Variants in TRIM11 observed in about 807,000 individuals in gnomAD.
The protein encoded by TRIM11 is tripartite motif containing 11, also known as E3 ubiquitin-protein ligase TRIM11.
Under a neutral mutation model 33.4 loss-of-function variants are expected in TRIM11, and 15 were observed. That is an observed-to-expected ratio of 0.45 (90% CI 0.30 to 0.69). The LOEUF is 0.69. TRIM11 is among the 30% of genes least tolerant of loss of function. TRIM11 has a pLI of 0.08. For synonymous variants in TRIM11, 281 were observed against 302.6 expected (o/e 0.93, Z 0.74); for missense variants, 499 against 667.6 (o/e 0.75, Z 2.78).
chr1:228,399,490 G>GC (rs2075013654), intron 3 of TRIM11, among the ~76,000 whole-genome samples: 2 of 115,518 alleles, frequency 1.7e-5, no homozygotes, highest in African/African-American at 6.7e-5. Context: ...TCAGCTGAAA[G>GC]CCCAAATTGC....
rs1452318249 is a variant in TRIM11 at position 228,400,299 on chromosome 1, G to GT, written c.735+664dup. ...CCACACGGGGCCTCTCAGCATGGGA[G>GT]TGCCGTCAGTCCTCATCAGTGCACG... On this transcript the variant is annotated intron_variant, in intron 3 of 5. Coordinates refer to ENST00000284551, the MANE Select transcript of TRIM11 (RefSeq NM_145214.3). This position sits in a 1 kb window ranked among gnomAD's most constrained non-coding sequence, Gnocchi z 4.5. Among the ~76,000 whole-genome samples, 1 of 152,246 alleles carries GT rather than the reference G, an allele frequency of 6.6e-6. No individual in the cohort carries two copies. The highest frequency in any genetic ancestry group is 1.5e-5 in the Non-Finnish European group (1 of 68,040).
chr1:228,398,589 T>G (rs2075005622), intron 3 of TRIM11, among the ~76,000 whole-genome samples: 1 of 152,148 alleles, frequency 6.6e-6, no homozygotes, highest in Non-Finnish European at 1.5e-5. Flanking sequence ...TACTCTAGCC[T>G]GGGCGACAGA....
At position 228,401,247 on chromosome 1, in the gene TRIM11, A is replaced by C; in HGVS notation, c.505-53T>G. The C allele has an allele frequency of 6.4e-7, 1 of 1,572,504 alleles. No homozygotes were observed. The highest frequency in any genetic ancestry group is 1.2e-5 in the South Asian group (1 of 85,344). ...GAGGCCAGACCCCAGGCCCAGCCAGACCCCAAGTTTGGTCAGACCCCAAGC... is the reference window on the plus strand; with the variant it reads ...GAGGCCAGACCCCAGGCCCAGCCAGCCCCCAAGTTTGGTCAGACCCCAAGC... On this transcript the variant is annotated intron_variant, in intron 2 of 5. Transcript: ENST00000284551. This position sits in a 1 kb window ranked among gnomAD's most constrained non-coding sequence, Gnocchi z 6.1.
intron 5 of TRIM11, 131 bp downstream of exon 5, chr1:228,396,816 A>G: frequency 1.2e-6 from 1 of 861,560 alleles, no homozygotes; most frequent in Non-Finnish European, 2.0e-6. Flanking sequence ...ACGTTTTCCC[A>G]ACAACCCACC....
At position 228,395,681 on chromosome 1, in the gene TRIM11, C is replaced by G. The variant is rs146308765; in HGVS notation, c.860-429G>C. The G allele has an allele frequency of 4.5e-3, 718 of 159,928 alleles. 4 individuals carry two copies. The highest frequency in any genetic ancestry group is 0.016 in the African/African-American group (665 of 41,834). The allele number at this position is 159,928 out of a possible 1,614,324, so 9.9% of individuals were successfully genotyped here. ...GGATTACAGGCGTGTGCCACCATGG[C>G]TGGCTCATTTTTTTGTTTTTTATTT... On this transcript the variant is annotated intron_variant, in intron 5 of 5. Coordinates refer to ENST00000284551, the MANE Select transcript of TRIM11 (RefSeq NM_145214.3). The surrounding 1 kb of genome is among the most constrained non-coding windows in gnomAD (Gnocchi z 4.8).
Position 228,406,081 on chromosome 1 carries a change from C to A in TRIM11, c.408+73G>T. 1.2e-4 allele frequency: 133 copies of A among 1,082,806 alleles called. No homozygotes were observed. Among genetic ancestry groups the A allele is most frequent in the Non-Finnish European group, 1.5e-4 (122 of 819,312 alleles). The allele number at this position is 1,082,806 out of a possible 1,614,324, so 67.1% of individuals were successfully genotyped here. On this transcript the variant is annotated intron_variant, in intron 1 of 5. Coordinates refer to ENST00000284551, the MANE Select transcript of TRIM11 (RefSeq NM_145214.3). The surrounding 1 kb of genome is among the most constrained non-coding windows in gnomAD (Gnocchi z 8.2). ...ATTACTCCCGGAGCAGTCCCCCAAA[C>A]CTCCCACCCGCCCAGGCCTCCCCAG...
At chr1:228,399,636 C>T (rs1338308905) in intron 3 of TRIM11, among the ~76,000 whole-genome samples, 1 of 152,058 alleles carries the variant, frequency 6.6e-6, no homozygotes, top group Non-Finnish European at 1.5e-5. Flanking sequence ...ACCTCCCCAC[C>T]CCACAATTTA....
In TRIM11 at chr1:228,401,284, C is replaced by G. The variant is rs1656212338; in HGVS notation, c.505-90G>C. 1.4e-6 allele frequency: 2 copies of G among 1,462,376 alleles called. No individual in the cohort carries two copies. Among genetic ancestry groups the G allele is most frequent in the Middle Eastern group, 1.8e-4 (1 of 5,540 alleles). 90.6% of individuals were successfully genotyped at this position (1,462,376 alleles called of 1,614,324 possible). A position where few individuals can be genotyped will look rare whatever the true frequency, so the allele number is the denominator to read the frequency against. ...GTCAGACCCCAAGCCCACCCAGAGG[C>G]CTGGCTGCACCCAACCCCACCCCCG... On this transcript the variant is annotated intron_variant, in intron 2 of 5. Coordinates refer to ENST00000284551, the MANE Select transcript of TRIM11 (RefSeq NM_145214.3). This position sits in a 1 kb window ranked among gnomAD's most constrained non-coding sequence, Gnocchi z 6.1.
Position 228,406,099 on chromosome 1 carries a change from C to CGA in TRIM11, c.408+54_408+55insTC. ...CCCCAAACCTCCCACCCGCCCAGGC[C>CGA]TCCCCAGTCCCCGGCTCCCCGACGC... On this transcript the variant is annotated intron_variant, in intron 1 of 5. Transcript: ENST00000284551. This position sits in a 1 kb window ranked among gnomAD's most constrained non-coding sequence, Gnocchi z 8.2. 1 of 1,332,368 alleles carries CGA rather than the reference C, an allele frequency of 7.5e-7. No homozygotes were observed. The highest frequency in any genetic ancestry group is 9.6e-7 in the Non-Finnish European group (1 of 1,044,322). 82.5% of individuals were successfully genotyped at this position (1,332,368 alleles called of 1,614,324 possible).
In TRIM11 at chr1:228,401,339, G is replaced by C. The variant is rs1054612518; in HGVS notation, c.505-145C>G. 9.5e-7 allele frequency: 1 copy of C among 1,049,168 alleles called. No homozygotes were observed. The highest frequency in any genetic ancestry group is 1.6e-5 in the African/African-American group (1 of 62,000). The allele number at this position is 1,049,168 out of a possible 1,614,324, so 65.0% of individuals were successfully genotyped here. On this transcript the variant is annotated intron_variant, in intron 2 of 5. Coordinates refer to ENST00000284551, the MANE Select transcript of TRIM11 (RefSeq NM_145214.3). The surrounding 1 kb of genome is among the most constrained non-coding windows in gnomAD (Gnocchi z 6.1). ...CTGCTAAAGCCAAAGCACAGCACCA[G>C]GTGTGGCAGGACCCCAAACCCACCA... is the stretch of plus-strand genomic sequence containing the variant.
Position 228,395,442 on chromosome 1 carries a change from G to T in TRIM11, c.860-190C>A. On this transcript the variant is annotated intron_variant, in intron 5 of 5. Transcript: ENST00000284551. The surrounding 1 kb of genome is among the most constrained non-coding windows in gnomAD (Gnocchi z 4.8). ...GGACATCCTCTCCCCACTTAGCTAC[G>T]TCCAGTTGCAACTTACAATGTCCTA... 2.1e-6 allele frequency: 1 copy of T among 471,958 alleles called. No individual in the cohort carries two copies. The highest frequency in any genetic ancestry group is 3.4e-6 in the Non-Finnish European group (1 of 290,256). The allele number at this position is 471,958 out of a possible 1,614,324, so 29.2% of individuals were successfully genotyped here.
rs1351130046 is a variant in TRIM11 at position 228,394,054 on chromosome 1, C to A, written c.*651G>T. The A allele has an allele frequency of 6.6e-6, 1 of 152,366 alleles. No homozygotes were observed. The highest frequency in any genetic ancestry group is 1.5e-5 in the Non-Finnish European group (1 of 68,142). The allele number at this position is 152,366 out of a possible 1,614,324, so 9.4% of individuals were successfully genotyped here. ...CTCTGCTCTCTCCTCTAGGCCCACA[C>A]ACCTGCTGAACAGACATCTGTGCCC... On this transcript the variant is annotated 3_prime_UTR_variant, in exon 6 of 6. Transcript: ENST00000284551. The surrounding 1 kb of genome is among the most constrained non-coding windows in gnomAD (Gnocchi z 6.2).
In TRIM11 at chr1:228,394,581, C is replaced by G; in HGVS notation, c.*124G>C. On this transcript the variant is annotated 3_prime_UTR_variant, in exon 6 of 6. Coordinates refer to ENST00000284551, the MANE Select transcript of TRIM11 (RefSeq NM_145214.3). This position sits in a 1 kb window ranked among gnomAD's most constrained non-coding sequence, Gnocchi z 6.2. ...GTTCTCCCACGCAGGCTCAGAAAGG[C>G]ACCAGGAGTTCCTCCTCTTGCTCAA... 9.0e-7 allele frequency: 1 copy of G among 1,106,682 alleles called. No homozygotes were observed. Among genetic ancestry groups the G allele is most frequent in the East Asian group, 2.6e-5 (1 of 38,440 alleles). 68.6% of individuals were successfully genotyped at this position (1,106,682 alleles called of 1,614,324 possible).
chr1:228,401,265 C>G lies in TRIM11; in HGVS notation c.505-71G>C. 6.5e-7 allele frequency: 1 copy of G among 1,536,306 alleles called. No homozygotes were observed. Among genetic ancestry groups the G allele is most frequent in the Non-Finnish European group, 8.8e-7 (1 of 1,137,794 alleles). On this transcript the variant is annotated intron_variant, in intron 2 of 5. Coordinates refer to ENST00000284551, the MANE Select transcript of TRIM11 (RefSeq NM_145214.3). This position sits in a 1 kb window ranked among gnomAD's most constrained non-coding sequence, Gnocchi z 6.1. ...CAGCCAGACCCCAAGTTTGGTCAGA[C>G]CCCAAGCCCACCCAGAGGCCTGGCT... is the stretch of plus-strand genomic sequence containing the variant.
chr1:228,401,027 G>C lies in TRIM11; in HGVS notation c.672C>G (p.His224Gln). The C allele has an allele frequency of 1.2e-6, 2 of 1,610,914 alleles. No homozygotes were observed. Among genetic ancestry groups the C allele is most frequent in the Non-Finnish European group, 1.7e-6 (2 of 1,178,776 alleles). The change falls in exon 3 of 6, where the codon CAC (histidine) becomes CAG (glutamine). Residue 224 changes from histidine (H) to glutamine (Q), a missense_variant. Physicochemically the swap from His to Gln is conservative, Grantham distance 24. Coordinates refer to ENST00000284551, the MANE Select transcript of TRIM11 (RefSeq NM_145214.3). The surrounding 1 kb of genome is among the most constrained non-coding windows in gnomAD (Gnocchi z 6.1). ...GAAHLGQQSA[H>Q]LAELIAELEG... ...CGAGCTCGGCGATGAGCTCAGCTAG[G>C]TGGGCGCTCTGCTGGCCTAGGTGGG...
In TRIM11 at chr1:228,400,540, G is replaced by C. The variant is rs747259797; in HGVS notation, c.735+424C>G. ...ATGGAGATGCATGGGGTGTGCCAGC[G>C]GGGTGAAGACAGAGTGAAGGGCGAG... On this transcript the variant is annotated intron_variant, in intron 3 of 5. Coordinates refer to ENST00000284551, the MANE Select transcript of TRIM11 (RefSeq NM_145214.3). The surrounding 1 kb of genome is among the most constrained non-coding windows in gnomAD (Gnocchi z 4.5). 2.0e-4 allele frequency among the ~76,000 whole-genome samples: 30 copies of C among 152,172 alleles called. No individual in the cohort carries two copies. Among genetic ancestry groups the C allele is most frequent in the Admixed American group, 3.9e-4 (6 of 15,280 alleles).
Position 228,394,429 on chromosome 1 carries a change from C to G in TRIM11, c.*276G>C, listed in dbSNP as rs1205731192. 2 of 467,700 alleles carry G rather than the reference C, an allele frequency of 4.3e-6. No homozygotes were observed. Among genetic ancestry groups the G allele is most frequent in the African/African-American group, 2.0e-5 (1 of 50,768 alleles). The allele number at this position is 467,700 out of a possible 1,614,324, so 29.0% of individuals were successfully genotyped here. On this transcript the variant is annotated 3_prime_UTR_variant, in exon 6 of 6. Coordinates refer to ENST00000284551, the MANE Select transcript of TRIM11 (RefSeq NM_145214.3). The surrounding 1 kb of genome is among the most constrained non-coding windows in gnomAD (Gnocchi z 6.2). Reference sequence around the variant, plus strand: ...GAACCACAGGCCAGAGCTGCCGGGGCAATGGGGCTCCCAGCTTTGGTAAGG... The same window carrying G: ...GAACCACAGGCCAGAGCTGCCGGGGGAATGGGGCTCCCAGCTTTGGTAAGG...
In TRIM11 at chr1:228,400,895, G is replaced by A; in HGVS notation, c.735+69C>T. ...CTGCCCCTGCTTCTTGCACTTTCTG[G>A]TTCTCCCTCCCCCAGTGTGGCCAGG... On this transcript the variant is annotated intron_variant, in intron 3 of 5. Transcript: ENST00000284551. The surrounding 1 kb of genome is among the most constrained non-coding windows in gnomAD (Gnocchi z 4.5). 2 of 1,439,206 alleles carry A rather than the reference G, an allele frequency of 1.4e-6. No homozygotes were observed. Among genetic ancestry groups the A allele is most frequent in the Middle Eastern group, 2.5e-4 (1 of 3,924 alleles). The allele number at this position is 1,439,206 out of a possible 1,614,324, so 89.2% of individuals were successfully genotyped here. A position where few individuals can be genotyped will look rare whatever the true frequency, so the allele number is the denominator to read the frequency against.
chr1:228,398,291 A>T (rs1558446599), intron 3 of TRIM11, among the ~76,000 whole-genome samples: 1 of 152,294 alleles, frequency 6.6e-6, no homozygotes, highest in East Asian at 1.9e-4. Flanking sequence ...GAAGATTTCC[A>T]CACATACGGG....
Sources: allele counts gnomAD v4.1 joint callset (sites outside exome capture counted in the v4.1 genomes callset), GRCh38; gene constraint gnomAD v4.1.1; non-coding constraint Gnocchi (gnomAD v3.1); transcripts MANE v1.5; gene names NCBI Gene and HGNC (gene_info 2026-07-23, HGNC 2026-07-21).